The following RPS6KC1 variants were observed in gnomAD, a reference collection of about 807,000 sequenced individuals.
RPS6KC1 encodes inactive ribosomal protein S6 kinase delta-1.
Under a neutral mutation model 103.8 loss-of-function variants are expected in RPS6KC1, and 54 were observed. The ratio of observed to expected loss-of-function variants is 0.52; its 90% CI spans 0.42 to 0.65. RPS6KC1 has a LOEUF of 0.65. Among genes scored for constraint, RPS6KC1 ranks in the 30% least tolerant of loss-of-function variants. RPS6KC1 has a pLI of 0.00. For missense variants in RPS6KC1, 1,151 were observed against 1,253.8 expected (o/e 0.92, Z 1.24); for synonymous variants, 439 against 438.7 (o/e 1.00, Z -0.01).
intron 6 of RPS6KC1, among the ~76,000 whole-genome samples, chr1:213,167,439 A>AACACACACACACACACACAC (rs199762137): frequency 2.6e-5 from 2 of 75,944 alleles, no homozygotes; most frequent in Non-Finnish European, 4.7e-5. Context: ...CAAGGTTGAA[A>AACACACACACACACACACAC]ACACACACAC....
chr1:213,733,307 A>G, the RPS6KC1 span, among the ~76,000 whole-genome samples: 1 of 151,142 alleles, frequency 6.6e-6, no homozygotes, highest in Non-Finnish European at 1.5e-5. Context: ...TGGTGCGAAC[A>G]TGGCTCACTG....
At chr1:213,070,178 ATTG>A (rs2078738748) in intron 1 of RPS6KC1, among the ~76,000 whole-genome samples, 1 of 152,108 alleles carries the variant, frequency 6.6e-6, no homozygotes, top group Non-Finnish European at 1.5e-5. Context: ...TATTGTGCTA[ATTG>A]TAGATTCATA....
the RPS6KC1 span, chr1:213,822,447 A>G: frequency 6.6e-6 from 1 of 152,136 alleles, no homozygotes; most frequent in Non-Finnish European, 1.5e-5. Context: ...TAAAAAAAAA[A>G]AGACAAGTTC....
the RPS6KC1 span, among the ~76,000 whole-genome samples, chr1:213,712,268 G>A: frequency 2.6e-5 from 4 of 152,204 alleles, no homozygotes; most frequent in East Asian, 5.8e-4. Flanking sequence ...GGGTGCTAGA[G>A]TGGGCTCCAC....
chr1:213,718,550 T>C, the RPS6KC1 span, among the ~76,000 whole-genome samples: 2 of 152,230 alleles, frequency 1.3e-5, no homozygotes, highest in Non-Finnish European at 2.9e-5. Context: ...TTTATTGCCA[T>C]AAATGGCTGA....
chr1:213,251,457 A>G (rs1048175277), intron 12 of RPS6KC1, among the ~76,000 whole-genome samples: 1 of 152,092 alleles, frequency 6.6e-6, no homozygotes, highest in African/African-American at 2.4e-5. Context: ...AGCAAACTGT[A>G]CCTTCCAGAG....
chr1:213,462,329 C>T, the RPS6KC1 span, among the ~76,000 whole-genome samples: 2 of 152,116 alleles, frequency 1.3e-5, no homozygotes, highest in Non-Finnish European at 2.9e-5. Flanking sequence ...ATTAGTTCAA[C>T]CATTGTGGAA....
the RPS6KC1 span, among the ~76,000 whole-genome samples, chr1:213,712,649 A>G: frequency 0.27 from 41,170 of 152,086 alleles, 6,306 homozygotes; most frequent in African/African-American, 0.4. Context: ...TGGTGTAGGC[A>G]CTTGAGGGAA....
the RPS6KC1 span, among the ~76,000 whole-genome samples, chr1:213,708,466 A>G: frequency 9.2e-5 from 14 of 152,216 alleles, no homozygotes; most frequent in Non-Finnish European, 1.3e-4. Context: ...TAAATAAACA[A>G]TTATGTCTTA....
At chr1:213,751,772 A>G in the RPS6KC1 span, among the ~76,000 whole-genome samples, 1 of 152,250 alleles carries the variant, frequency 6.6e-6, no homozygotes, top group African/African-American at 2.4e-5. Flanking sequence ...ATGAAGTAGA[A>G]ATACAAATTC....
Position 213,117,311 on chromosome 1 carries a change from C to G in RPS6KC1, c.379-6C>G, listed in dbSNP as rs757893464. 7 of 1,565,598 alleles carry G rather than the reference C, an allele frequency of 4.5e-6. No homozygotes were observed. In the South Asian group the frequency reaches 7.9e-5, roughly 18 times the overall value. On this transcript the variant is annotated splice_region_variant and splice_polypyrimidine_tract_variant and intron_variant, in intron 4 of 14. Transcript: ENST00000366960. ...TAATGAAACACAATTGCTCTTATCT[C>G]TTTAGGGTGGAATAATTAATGATAG...
chr1:213,387,741 G>A, the RPS6KC1 span, among the ~76,000 whole-genome samples: 1 of 152,202 alleles, frequency 6.6e-6, no homozygotes, highest in Non-Finnish European at 1.5e-5. Context: ...CAATGACATA[G>A]CATTCTAGAA....
intron 6 of RPS6KC1, 118 bp downstream of exon 6, chr1:213,130,007 A>C: frequency 9.5e-7 from 1 of 1,051,040 alleles, no homozygotes; most frequent in Non-Finnish European, 1.3e-6. Context: ...ATGAGAAATT[A>C]CTGAAGCTTA....
At chr1:213,230,347 T>C (rs948469271) in intron 8 of RPS6KC1, 150 bp from the exon 9 acceptor site, 2 of 439,552 alleles carry the variant, frequency 4.6e-6, no homozygotes, top group African/African-American at 2.1e-5. Flanking sequence ...ATCCTATAAT[T>C]TGCTGACTTA....
chr1:213,696,046 T>A, the RPS6KC1 span, among the ~76,000 whole-genome samples: 2 of 152,304 alleles, frequency 1.3e-5, no homozygotes, highest in African/African-American at 4.8e-5. Context: ...GAGCTTTAGA[T>A]CATATTAAAA....
chr1:213,474,074 T>G, the RPS6KC1 span, among the ~76,000 whole-genome samples: 9 of 152,348 alleles, frequency 5.9e-5, no homozygotes, highest in Admixed American at 1.3e-4. Context: ...GCTGGTCTTC[T>G]AGGCTGCGAT....
the RPS6KC1 span, among the ~76,000 whole-genome samples, chr1:213,589,114 C>T: frequency 1.3e-5 from 2 of 152,032 alleles, no homozygotes; most frequent in Admixed American, 1.3e-4. Flanking sequence ...TCTGAGGAGG[C>T]CTGGGATCCC....
At chr1:213,304,849 G>A in the RPS6KC1 span, among the ~76,000 whole-genome samples, 147,347 of 152,308 alleles carry the variant, frequency 0.97, 71,486 homozygotes, top group East Asian at 1. Flanking sequence ...CAAATTTTGC[G>A]TCTTTTTATT....
At chr1:213,666,748 C>A in the RPS6KC1 span, among the ~76,000 whole-genome samples, 1 of 152,176 alleles carries the variant, frequency 6.6e-6, no homozygotes, top group Non-Finnish European at 1.5e-5. Flanking sequence ...AACAAGCCTG[C>A]TCTTACGGCA....
Sources: allele counts gnomAD v4.1 joint callset (sites outside exome capture counted in the v4.1 genomes callset), GRCh38; gene constraint gnomAD v4.1.1; transcripts MANE v1.5; gene names NCBI Gene and HGNC (gene_info 2026-07-23, HGNC 2026-07-21).